The following IFITM10 variants were observed in gnomAD, a reference collection of about 807,000 sequenced individuals.
IFITM10 encodes interferon induced transmembrane protein 10, also known as interferon-induced transmembrane protein 10.
Under a neutral mutation model 19.0 loss-of-function variants are expected in IFITM10, and 17 were observed. That is an observed-to-expected ratio of 0.90 (90% CI 0.61 to 1.34). The LOEUF (loss-of-function observed/expected upper bound fraction) is 1.34. Among genes scored for constraint, IFITM10 ranks in the 40% most tolerant of loss-of-function variants. The probability of loss-of-function intolerance (pLI) is 0.00; values close to 1 mark genes in which losing one functional copy is unlikely to be tolerated. For missense variants in IFITM10, 306 were observed against 319.8 expected (o/e 0.96, Z 0.33); for synonymous variants, 148 against 147.2 (o/e 1.01, Z -0.04).
intron 2 of IFITM10, among the ~76,000 whole-genome samples, chr11:1,737,679 C>A (rs972061329): frequency 1.3e-5 from 2 of 152,228 alleles, no homozygotes; most frequent in African/African-American, 4.8e-5. Context: ...GCAATGAGGA[C>A]AAGCAGCTGA....
chr11:1,735,253 T>A lies in IFITM10; in HGVS notation c.*27A>T. Reference sequence around the variant, plus strand: ...GAATAAACATGTCTCAGTGCTTGTCTCCGCCAGCAGCCGTGCCTGGCGGGC... The same window carrying A: ...GAATAAACATGTCTCAGTGCTTGTCACCGCCAGCAGCCGTGCCTGGCGGGC... On this transcript the variant is annotated 3_prime_UTR_variant, in exon 3 of 3. Transcript: ENST00000340134. The A allele has an allele frequency of 6.5e-7, 1 of 1,549,802 alleles. No homozygotes were observed. The highest frequency in any genetic ancestry group is 8.7e-7 in the Non-Finnish European group (1 of 1,145,484).
intron 2 of IFITM10, chr11:1,746,606 C>G: frequency 2.5e-6 from 1 of 398,630 alleles, no homozygotes; most frequent in Non-Finnish European, 4.4e-6. Context: ...AGGGGAACGC[C>G]GACCGCAGTT....
chr11:1,745,945 AC>A, intron 2 of IFITM10: 1 of 152,172 alleles, frequency 6.6e-6, no homozygotes, highest in Non-Finnish European at 1.5e-5. Flanking sequence ...TTGTGCACAC[AC>A]ATTTATACGT....
intron 1 of IFITM10, among the ~76,000 whole-genome samples, chr11:1,749,783 C>G (rs1044970183): frequency 1.3e-5 from 2 of 152,036 alleles, no homozygotes; most frequent in African/African-American, 4.8e-5. Flanking sequence ...CCACCAAGTC[C>G]AGGCCTTCCG....
At position 1,750,506 on chromosome 11, in the gene IFITM10, T is replaced by C; in HGVS notation, c.-64A>G. The C allele has an allele frequency of 1.3e-6, 2 of 1,544,072 alleles. No individual in the cohort carries two copies. Among genetic ancestry groups the C allele is most frequent in the Non-Finnish European group, 1.8e-6 (2 of 1,142,550 alleles). On this transcript the variant is annotated 5_prime_UTR_variant, in exon 1 of 3. Coordinates refer to ENST00000340134, the MANE Select transcript of IFITM10 (RefSeq NM_001170820.4). ...CCTCTGCCACTCTCAACTGGCCTCCTGTGTCTCCGCAACCCTCTTTCCTGT... is the reference window on the plus strand; with the variant it reads ...CCTCTGCCACTCTCAACTGGCCTCCCGTGTCTCCGCAACCCTCTTTCCTGT...
rs1851064321 is a variant in IFITM10 at position 1,734,665 on chromosome 11, T to C, written c.*615A>G. On this transcript the variant is annotated 3_prime_UTR_variant, in exon 3 of 3. Coordinates refer to ENST00000340134, the MANE Select transcript of IFITM10 (RefSeq NM_001170820.4). ...CATTCACTGTCTGGCACAGCTGTGA[T>C]GGAGCAGACCGTCCCCTGCAGTCTG... 1 of 152,116 alleles carries C rather than the reference T, an allele frequency of 6.6e-6. No individual in the cohort carries two copies. The highest frequency in any genetic ancestry group is 6.6e-5 in the Admixed American group (1 of 15,256). 9.4% of individuals were successfully genotyped at this position (152,116 alleles called of 1,614,324 possible).
chr11:1,735,208 C>T lies in IFITM10; in HGVS notation c.*72G>A. On this transcript the variant is annotated 3_prime_UTR_variant, in exon 3 of 3. Coordinates refer to ENST00000340134, the MANE Select transcript of IFITM10 (RefSeq NM_001170820.4). ...TGCCCTGCCCCAACCTCATGGGATC[C>T]TGCGTTTCAGGGACCATGAGAATAA... 8.0e-6 allele frequency: 12 copies of T among 1,491,406 alleles called. No individual in the cohort carries two copies. The highest frequency in any genetic ancestry group is 2.5e-5 in the South Asian group (2 of 78,878). The allele number at this position is 1,491,406 out of a possible 1,614,324, so 92.4% of individuals were successfully genotyped here.
chr11:1,750,187 G>T, intron 1 of IFITM10, 172 bp downstream of exon 1: 1 of 704,564 alleles, frequency 1.4e-6, no homozygotes, highest in Non-Finnish European at 1.7e-6. Flanking sequence ...AGCCGCCTCC[G>T]CTACCCCACC....
rs1851097039 is a variant in IFITM10 at position 1,737,259 on chromosome 11, T to G, written c.538-1830A>C. ...TATAATGTAAAAGTATATTTTAAAATTGCATGTCTAACTGATTTTGTATCC... is the reference window on the plus strand; with the variant it reads ...TATAATGTAAAAGTATATTTTAAAAGTGCATGTCTAACTGATTTTGTATCC... On this transcript the variant is annotated intron_variant, in intron 2 of 2. Coordinates refer to ENST00000340134, the MANE Select transcript of IFITM10 (RefSeq NM_001170820.4). Among the ~76,000 whole-genome samples the G allele has an allele frequency of 2.6e-5, 4 of 152,248 alleles. No individual in the cohort carries two copies. The South Asian group carries it at 8.3e-4, about 32-fold the overall frequency.
chr11:1,735,333 A>G lies in IFITM10; in HGVS notation c.634T>C (p.Ser212Pro). ...AAGATGAAGACGAGGATGATGCAGG[A>G]GGCTGCCAGGGCAGAACTGGTGATG... Reference protein sequence around the residue: ...FNITSSALAASCIILVFIFLR... With the variant: ...FNITSSALAAPCIILVFIFLR... The change falls in exon 3 of 3, where the codon TCC becomes CCC. Residue 212 changes from serine (S) to proline (P), a missense_variant. Physicochemically the swap from Ser to Pro is moderately conservative, Grantham distance 74. Transcript: ENST00000340134. The G allele has an allele frequency of 6.4e-7, 1 of 1,551,730 alleles. No homozygotes were observed. The highest frequency in any genetic ancestry group is 8.7e-7 in the Non-Finnish European group (1 of 1,146,978).
At chr11:1,747,300 G>A (rs115637122) in intron 2 of IFITM10, among the ~76,000 whole-genome samples, 3,204 of 152,256 alleles carry the variant, frequency 0.021, 43 homozygotes, top group Non-Finnish European at 0.032. Context: ...TGCACACGGA[G>A]AAGTGGCTGC....
intron 1 of IFITM10, among the ~76,000 whole-genome samples, chr11:1,749,675 G>C (rs1384656568): frequency 6.6e-6 from 1 of 151,060 alleles, no homozygotes; most frequent in African/African-American, 2.4e-5. Flanking sequence ...CTGAGCCCCA[G>C]CAGGCCCCCT....
chr11:1,746,713 C>A (rs1042618050), intron 2 of IFITM10: 1 of 398,840 alleles, frequency 2.5e-6, no homozygotes. Context: ...CCAGCCTCTT[C>A]TCTCCCTGCA....
At chr11:1,737,937 G>A (rs1007561149) in intron 2 of IFITM10, among the ~76,000 whole-genome samples, 1 of 152,194 alleles carries the variant, frequency 6.6e-6, no homozygotes, top group Non-Finnish European at 1.5e-5. Flanking sequence ...ATGAAACACT[G>A]GGTGTCAAAA....
At chr11:1,747,617 G>A (rs1392668959) in intron 2 of IFITM10, 50 bp downstream of exon 2, 9 of 1,502,540 alleles carry the variant, frequency 6.0e-6, no homozygotes, top group South Asian at 2.4e-5. Context: ...CTGTCCTGCC[G>A]GCACCACCTC....
At chr11:1,737,606 C>G (rs1851100793) in intron 2 of IFITM10, among the ~76,000 whole-genome samples, 1 of 152,160 alleles carries the variant, frequency 6.6e-6, no homozygotes, top group Non-Finnish European at 1.5e-5. Context: ...CACCACAGTG[C>G]CTGGGCCAAA....
Position 1,747,836 on chromosome 11 carries a change from G to C in IFITM10, c.368C>G (p.Pro123Arg). Reference sequence around the variant, plus strand: ...CTTCTCGGCTAGGTGCTTGCAGGCAGGGGGCGCGCCGGCAGCCCGCACGCT... The same window carrying C: ...CTTCTCGGCTAGGTGCTTGCAGGCACGGGGCGCGCCGGCAGCCCGCACGCT... ...TDSVRAAGAPPACKHLAEKKT... is the reference protein window; with the variant it reads ...TDSVRAAGAPRACKHLAEKKT... Residue 123 changes from proline (P) to arginine (R), a missense_variant, in exon 2 of 3, where the codon CCT (proline) becomes CGT (arginine). Transcript: ENST00000340134. 1.9e-6 allele frequency: 3 copies of C among 1,547,174 alleles called. No individual in the cohort carries two copies. The highest frequency in any genetic ancestry group is 2.6e-6 in the Non-Finnish European group (3 of 1,144,212).
intron 2 of IFITM10, among the ~76,000 whole-genome samples, chr11:1,740,545 G>T (rs996908199): frequency 6.6e-6 from 1 of 152,124 alleles, no homozygotes; most frequent in Non-Finnish European, 1.5e-5. Context: ...TTGATCAACT[G>T]AACAGGGAGT....
At chr11:1,750,326 G>A (rs926624925) in intron 1 of IFITM10, 33 bp downstream of exon 1, 40 of 1,549,786 alleles carry the variant, frequency 2.6e-5, no homozygotes, top group South Asian at 3.6e-5. Flanking sequence ...ACTTCACCAC[G>A]CAGGTTCCCT....
Sources: gnomAD v4.1 joint callset for allele counts (sites outside exome capture counted in the v4.1 genomes callset) on GRCh38, gnomAD v4.1.1 for gene constraint, MANE v1.5 for transcripts, NCBI Gene and HGNC (gene_info 2026-07-23, HGNC 2026-07-21) for gene names.